Variants in RBFOX1 observed in about 807,000 individuals in gnomAD.
The protein encoded by RBFOX1 is RNA binding fox-1 homolog 1.
In RBFOX1, 8 loss-of-function variants were observed where a neutral mutation model predicts 57.7. The observed-to-expected ratio is 0.14, with a 90% CI of 0.08 to 0.25. RBFOX1 has a LOEUF of 0.25. Among genes scored for constraint, RBFOX1 ranks in the 10% least tolerant of loss-of-function variants. The pLI is 1.00. For synonymous variants in RBFOX1, 326 were observed against 222.4 expected (o/e 1.47, Z -4.15); for missense variants, 611 against 548.5 (o/e 1.11, Z -1.14).
At chr16:5,465,589 C>G (rs1215183703) in intron 1 of RBFOX1, among the ~76,000 whole-genome samples, 1 of 152,152 alleles carries the variant, frequency 6.6e-6, no homozygotes, top group Non-Finnish European at 1.5e-5. Context: ...AAAGTCATGT[C>G]CCCCAGGACT....
chr16:6,689,324 A>C (rs2059887962), intron 3 of RBFOX1, among the ~76,000 whole-genome samples: 1 of 152,210 alleles, frequency 6.6e-6, no homozygotes, highest in African/African-American at 2.4e-5. Flanking sequence ...ACTTTGAAAT[A>C]TAAGGAAGGT....
intron 4 of RBFOX1, among the ~76,000 whole-genome samples, chr16:7,314,074 G>A (rs1473510676): frequency 2.0e-5 from 3 of 152,086 alleles, no homozygotes; most frequent in Non-Finnish European, 4.4e-5. Flanking sequence ...TTTGTTTAAT[G>A]AATTGCAACA....
At chr16:6,344,006 C>T (rs369525248) in intron 2 of RBFOX1, among the ~76,000 whole-genome samples, 28 of 152,298 alleles carry the variant, frequency 1.8e-4, no homozygotes, top group East Asian at 1.4e-3. Flanking sequence ...TCCTGGGCAT[C>T]GGAGACTGTG....
chr16:7,192,625 T>C (rs908943010), intron 4 of RBFOX1, among the ~76,000 whole-genome samples: 5 of 152,170 alleles, frequency 3.3e-5, no homozygotes, highest in South Asian at 2.1e-4. Context: ...GAAAAACTAA[T>C]GCAATAGACA....
At chr16:6,454,134 G>A (rs1015230785) in intron 2 of RBFOX1, among the ~76,000 whole-genome samples, 13 of 152,292 alleles carry the variant, frequency 8.5e-5, no homozygotes, top group African/African-American at 2.6e-4. Flanking sequence ...CTATGACCTC[G>A]TTTTAACTCA....
chr16:7,345,078 C>G (rs1568324431), intron 4 of RBFOX1, among the ~76,000 whole-genome samples: 1 of 152,092 alleles, frequency 6.6e-6, no homozygotes, highest in African/African-American at 2.4e-5. Context: ...TCTTGTGGCT[C>G]TATTTTCAAG....
At chr16:5,944,180 C>G (rs549602023) in intron 4 of RBFOX1, among the ~76,000 whole-genome samples, 2 of 152,292 alleles carry the variant, frequency 1.3e-5, no homozygotes, top group Admixed American at 6.5e-5. Flanking sequence ...ATGACCTCAA[C>G]GATGTGTGAA....
intron 3 of RBFOX1, among the ~76,000 whole-genome samples, chr16:6,929,242 A>G (rs950062885): frequency 6.6e-6 from 1 of 152,124 alleles, no homozygotes; most frequent in Non-Finnish European, 1.5e-5. Context: ...TTTATGACAG[A>G]GAAGAAGAAG....
chr16:5,335,472 A>C (rs1219584144), intron 1 of RBFOX1, among the ~76,000 whole-genome samples: 3 of 152,330 alleles, frequency 2.0e-5, no homozygotes, highest in Middle Eastern at 3.4e-3. Context: ...TCTCCATTGC[A>C]CATGAGTGAC....
At position 6,483,552 on chromosome 16, in the gene RBFOX1, G is replaced by C. The variant is rs771207427; in HGVS notation, c.-64+166495G>C. ...GTGGGAGATGCCCTTCAGGTACGGCGAGCGAAGAAGACTCTAAAACACTGT... is the reference window on the plus strand; with the variant it reads ...GTGGGAGATGCCCTTCAGGTACGGCCAGCGAAGAAGACTCTAAAACACTGT... On this transcript the variant is annotated intron_variant, in intron 2 of 15. Transcript: ENST00000550418. 3.9e-6 allele frequency: 6 copies of C among 1,534,900 alleles called. No homozygotes were observed. In the South Asian group the frequency reaches 7.1e-5, roughly 18 times the overall value.
intron 1 of RBFOX1, among the ~76,000 whole-genome samples, chr16:6,224,448 T>C (rs1341034726): frequency 1.3e-5 from 2 of 152,164 alleles, no homozygotes; most frequent in Admixed American, 6.5e-5. Context: ...CTAAGTATTT[T>C]ACAAATTCTT....
chr16:7,508,224 C>T (rs575424157), intron 4 of RBFOX1, among the ~76,000 whole-genome samples: 5 of 152,154 alleles, frequency 3.3e-5, no homozygotes, highest in East Asian at 1.9e-4. Context: ...GCGATCCGCA[C>T]GCCTCGGCCT....
intron 4 of RBFOX1, among the ~76,000 whole-genome samples, chr16:7,445,986 G>A (rs192719960): frequency 1.2e-3 from 190 of 152,210 alleles, no homozygotes; most frequent in Non-Finnish European, 2.4e-3. Flanking sequence ...CAAGAGTCGG[G>A]GATCTTCTCT....
At chr16:5,529,152 T>A (rs73514190) in intron 2 of RBFOX1, among the ~76,000 whole-genome samples, 1 of 151,982 alleles carries the variant, frequency 6.6e-6, no homozygotes, top group Non-Finnish European at 1.5e-5. Context: ...GTGTGCAAAG[T>A]ACTTCACCTT....
chr16:6,480,379 G>A (rs2095354608), intron 2 of RBFOX1, among the ~76,000 whole-genome samples: 1 of 152,192 alleles, frequency 6.6e-6, no homozygotes, highest in South Asian at 2.1e-4. Flanking sequence ...CTCCGCATTT[G>A]CAGATGAAGG....
rs1057158855 is a variant in RBFOX1 at position 6,565,848 on chromosome 16, A to G, written c.-63-88755A>G. Among the ~76,000 whole-genome samples the G allele has an allele frequency of 3.9e-5, 6 of 152,246 alleles. No individual in the cohort carries two copies. In the East Asian group the frequency reaches 7.7e-4, roughly 20 times the overall value. On this transcript the variant is annotated intron_variant, in intron 2 of 15. Transcript: ENST00000550418. ...GATTAGCAGCTATGTGAGGCTATCA[A>G]TCAGGGTAAGACAGGCTATGCTGTA...
chr16:6,183,416 G>A (rs999362423), intron 1 of RBFOX1, among the ~76,000 whole-genome samples: 5 of 151,840 alleles, frequency 3.3e-5, no homozygotes, highest in Non-Finnish European at 7.4e-5. Flanking sequence ...GGAGGTGGAG[G>A]TTGCAGTGAG....
intron 3 of RBFOX1, among the ~76,000 whole-genome samples, chr16:6,882,126 G>T (rs2063067299): frequency 6.6e-6 from 1 of 152,174 alleles, no homozygotes; most frequent in African/African-American, 2.4e-5. Context: ...TAGCAGGAAA[G>T]TCAAGGCTGC....
chr16:5,942,144 G>C (rs1380227544), intron 4 of RBFOX1, among the ~76,000 whole-genome samples: 1 of 152,102 alleles, frequency 6.6e-6, no homozygotes, highest in African/African-American at 2.4e-5. Flanking sequence ...GACAGGGGGA[G>C]TGCAATAGAG....
Sources: gnomAD v4.1 joint callset for allele counts (sites outside exome capture counted in the v4.1 genomes callset) on GRCh38, gnomAD v4.1.1 for gene constraint, MANE v1.5 for transcripts, NCBI Gene and HGNC (gene_info 2026-07-23, HGNC 2026-07-21) for gene names.